ANO3: variants seen among roughly 807,000 people sequenced by gnomAD.
The protein encoded by ANO3 is anoctamin-3.
ANO3 carries 99 observed loss-of-function variants against 144.8 expected under a neutral mutation model. The observed-to-expected ratio is 0.68, with a 90% confidence interval of 0.58 to 0.81. The LOEUF (loss-of-function observed/expected upper bound fraction) is 0.81, where lower values mean the gene tolerates loss of function less well. Ranked by LOEUF, ANO3 falls within the 30% of genes least tolerant of loss-of-function variation. ANO3 has a pLI of 0.00. For missense variants in ANO3, 905 were observed against 1,202.2 expected, an observed-to-expected ratio of 0.75 and a Z score of 3.66; for synonymous variants, 414 against 392.6, an observed-to-expected ratio of 1.05 and a Z score of -0.64.
chr11:26,356,299 G>A lies in ANO3; in HGVS notation c.46+23978G>A, dbSNP rs1190968534. Among the ~76,000 whole-genome samples the A allele has an allele frequency of 2.0e-5, 3 of 151,940 alleles. No homozygotes were observed. The East Asian group carries it at 5.8e-4, about 29-fold the overall frequency. ...TAAAAGTATATATCTGGTAAGATTC[G>A]ACATATGTATGCACCCATGAAACCA... On this transcript the variant is annotated intron_variant, in intron 1 of 26. Coordinates refer to ENST00000256737, the MANE Select transcript of ANO3 (RefSeq NM_031418.4).
At chr11:26,343,273 A>C (rs1425947195) in intron 1 of ANO3, among the ~76,000 whole-genome samples, 1 of 152,180 alleles carries the variant, frequency 6.6e-6, no homozygotes, top group African/African-American at 2.4e-5. Flanking sequence ...TTTATACATC[A>C]CATTTCTTTA....
chr11:26,539,098 G>T (rs534631019), intron 10 of ANO3, among the ~76,000 whole-genome samples: 1 of 149,576 alleles, frequency 6.7e-6, no homozygotes, highest in Admixed American at 6.8e-5. Context: ...TGTGGAGTTT[G>T]GTGTGAAAAG....
At chr11:26,645,170 C>A (rs114419886) in intron 23 of ANO3, among the ~76,000 whole-genome samples, 2,518 of 151,798 alleles carry the variant, frequency 0.017, 70 homozygotes, top group African/African-American at 0.057. Context: ...AATTGTTGTT[C>A]ATTTAAATTG....
chr11:26,346,182 CAT>C (rs1293179102), intron 1 of ANO3, among the ~76,000 whole-genome samples: 2 of 152,110 alleles, frequency 1.3e-5, no homozygotes, highest in East Asian at 1.9e-4. Flanking sequence ...ACATGGAAAA[CAT>C]GGGATAAAAT....
chr11:26,277,350 A>G (rs1853580571), intron 1 of ANO3, among the ~76,000 whole-genome samples: 2 of 152,164 alleles, frequency 1.3e-5, no homozygotes, highest in Admixed American at 1.3e-4. Flanking sequence ...TTGAAACTTT[A>G]GCATAGATGG....
At chr11:26,566,434 A>G (rs1316097179) in intron 14 of ANO3, among the ~76,000 whole-genome samples, 1 of 151,888 alleles carries the variant, frequency 6.6e-6, no homozygotes, top group Non-Finnish European at 1.5e-5. Context: ...AGTCAGGAAT[A>G]CCCTTGAATA....
At chr11:26,399,871 C>T (rs761643143) in intron 1 of ANO3, among the ~76,000 whole-genome samples, 1 of 151,968 alleles carries the variant, frequency 6.6e-6, no homozygotes, top group Admixed American at 6.6e-5. Context: ...GTATAGACTG[C>T]CTTCCTCAAA....
At chr11:26,292,018 C>T (rs1288759471) in intron 1 of ANO3, among the ~76,000 whole-genome samples, 1 of 152,146 alleles carries the variant, frequency 6.6e-6, no homozygotes, top group Non-Finnish European at 1.5e-5. Flanking sequence ...CAACTTGGTT[C>T]CATTCTTCCT....
chr11:26,564,777 A>C (rs541673691), intron 14 of ANO3, among the ~76,000 whole-genome samples: 3,768 of 101,646 alleles, frequency 0.037, 266 homozygotes, highest in Non-Finnish European at 0.06. Context: ...ATATATATAT[A>C]TATATATAAG....
At chr11:26,462,754 G>C (rs17309048) in intron 3 of ANO3, among the ~76,000 whole-genome samples, 2 of 151,738 alleles carry the variant, frequency 1.3e-5, no homozygotes, top group Non-Finnish European at 2.9e-5. Context: ...TCAAAAATTT[G>C]AAGTACATTG....
chr11:26,644,982 G>T (rs1853298156), intron 23 of ANO3, among the ~76,000 whole-genome samples: 1 of 151,840 alleles, frequency 6.6e-6, no homozygotes, highest in Non-Finnish European at 1.5e-5. Flanking sequence ...TAATCCAATT[G>T]ACATATATCT....
At chr11:26,267,390 A>G (rs1853339521) in intron 1 of ANO3, among the ~76,000 whole-genome samples, 1 of 152,214 alleles carries the variant, frequency 6.6e-6, no homozygotes, top group African/African-American at 2.4e-5. Context: ...AATTTATATT[A>G]CATGTCAAGT....
chr11:26,624,226 G>A (rs918037770), intron 17 of ANO3, among the ~76,000 whole-genome samples: 8 of 151,996 alleles, frequency 5.3e-5, no homozygotes, highest in Non-Finnish European at 1.2e-4. Context: ...CAGATTACAA[G>A]TGTATCTACA....
At chr11:26,517,270 T>C (rs1565074430) in intron 6 of ANO3, among the ~76,000 whole-genome samples, 1 of 152,042 alleles carries the variant, frequency 6.6e-6, no homozygotes, top group Non-Finnish European at 1.5e-5. Context: ...GCAGAAAGTA[T>C]AAGTGCATAG....
At chr11:26,397,896 G>T (rs9943473) in intron 1 of ANO3, among the ~76,000 whole-genome samples, 2 of 150,790 alleles carry the variant, frequency 1.3e-5, no homozygotes, top group African/African-American at 4.9e-5. Flanking sequence ...CCAATCTCTT[G>T]TGGAGTGTGA....
intron 4 of ANO3, among the ~76,000 whole-genome samples, chr11:26,472,070 C>T (rs532718134): frequency 6.6e-6 from 1 of 152,096 alleles, no homozygotes; most frequent in East Asian, 1.9e-4. Context: ...AATGTATGGG[C>T]ATTCCAGTTA....
chr11:26,452,890 ACT>A (rs1346983167), intron 3 of ANO3, among the ~76,000 whole-genome samples: 1 of 152,178 alleles, frequency 6.6e-6, no homozygotes, highest in Non-Finnish European at 1.5e-5. Context: ...CTCGGCAGAA[ACT>A]CTACAAGCCA....
At chr11:26,490,466 C>G (rs1032431412) in intron 4 of ANO3, among the ~76,000 whole-genome samples, 1 of 152,174 alleles carries the variant, frequency 6.6e-6, no homozygotes, top group African/African-American at 2.4e-5. Flanking sequence ...TAACAAAATA[C>G]AGAGTTATAG....
intron 14 of ANO3, among the ~76,000 whole-genome samples, chr11:26,597,620 T>G (rs1381129403): frequency 6.6e-6 from 1 of 151,988 alleles, no homozygotes; most frequent in Non-Finnish European, 1.5e-5. Flanking sequence ...TTGCAAGATT[T>G]AATAGAGTGA....
Sources: gnomAD v4.1 joint callset for allele counts (sites outside exome capture counted in the v4.1 genomes callset) on GRCh38, gnomAD v4.1.1 for gene constraint, MANE v1.5 for transcripts, NCBI Gene and HGNC (gene_info 2026-07-23, HGNC 2026-07-21) for gene names.